The following ZC2HC1B variants were observed in gnomAD, a reference collection of about 807,000 sequenced individuals.
The protein encoded by ZC2HC1B is zinc finger C2HC-type containing 1B.
ZC2HC1B carries 36 observed loss-of-function variants against 31.0 expected under a neutral mutation model. The ratio of observed to expected loss-of-function variants is 1.16; its 90% CI spans 0.89 to 1.54. ZC2HC1B has a LOEUF of 1.54. ZC2HC1B is among the 40% of genes most tolerant of loss of function. ZC2HC1B has a pLI of 0.00. For synonymous variants in ZC2HC1B, 73 were observed against 88.0 expected (o/e 0.83, Z 0.95); for missense variants, 260 against 268.6 (o/e 0.97, Z 0.22).
Position 143,868,914 on chromosome 6 carries a change from C to A in ZC2HC1B, c.28+4347C>A, listed in dbSNP as rs1777303470. On this transcript the variant is annotated intron_variant, in intron 1 of 7. Coordinates refer to ENST00000237275, the MANE Select transcript of ZC2HC1B (RefSeq NM_001013623.3). The surrounding 1 kb of genome is among the most constrained non-coding windows in gnomAD (Gnocchi z 4.2). ...GAAAAAGTAAATAAAATGAAGATAT[C>A]TTCTTAGTACACGTGTGTACATGCA... Among the ~76,000 whole-genome samples, 1 of 152,244 alleles carries A rather than the reference C, an allele frequency of 6.6e-6. No individual in the cohort carries two copies. Among genetic ancestry groups the A allele is most frequent in the South Asian group, 2.1e-4 (1 of 4,824 alleles).
chr6:143,937,540 A>AC, intron 6 of ZC2HC1B, 109 bp from the exon 7 acceptor site: 1 of 974,928 alleles, frequency 1.0e-6, no homozygotes, highest in Non-Finnish European at 1.5e-6. Context: ...CACCAAAAAA[A>AC]AGGAAGAATA....
intron 6 of ZC2HC1B, among the ~76,000 whole-genome samples, chr6:143,937,220 C>T (rs546022016): frequency 3.5e-4 from 54 of 152,118 alleles, no homozygotes; most frequent in African/African-American, 1.2e-3. Flanking sequence ...CGTAGATAAC[C>T]CTAAGCAGGG....
rs554629554 is a variant in ZC2HC1B at position 143,866,927 on chromosome 6, T to C, written c.28+2360T>C. 7.9e-5 allele frequency among the ~76,000 whole-genome samples: 12 copies of C among 152,348 alleles called. No individual in the cohort carries two copies. The East Asian group carries it at 2.3e-3, about 29-fold the overall frequency. Reference sequence around the variant, plus strand: ...TCTTTCCCCTCAGGTAATTCTTGCATAGTATCCAGCTGTCATAGAAGTTGA... The same window carrying C: ...TCTTTCCCCTCAGGTAATTCTTGCACAGTATCCAGCTGTCATAGAAGTTGA... On this transcript the variant is annotated intron_variant, in intron 1 of 7. Coordinates refer to ENST00000237275, the MANE Select transcript of ZC2HC1B (RefSeq NM_001013623.3).
intron 6 of ZC2HC1B, among the ~76,000 whole-genome samples, chr6:143,926,588 G>A (rs564219966): frequency 2.2e-4 from 33 of 152,050 alleles, no homozygotes; most frequent in African/African-American, 7.5e-4. Context: ...ATATTCTGTT[G>A]CTATTGGATA....
intron 1 of ZC2HC1B, among the ~76,000 whole-genome samples, chr6:143,873,558 G>C (rs999888479): frequency 6.6e-6 from 1 of 152,246 alleles, no homozygotes; most frequent in African/African-American, 2.4e-5. Context: ...ACTTTTGCCT[G>C]AGAATCCAGG....
intron 1 of ZC2HC1B, chr6:143,881,887 A>G (rs1777472912): frequency 6.6e-6 from 1 of 152,178 alleles, no homozygotes; most frequent in Non-Finnish European, 1.5e-5. Context: ...TATCATTTGT[A>G]TCTGTCAGTA....
At chr6:143,926,109 C>G (rs766502060) in intron 6 of ZC2HC1B, among the ~76,000 whole-genome samples, 1 of 151,568 alleles carries the variant, frequency 6.6e-6, no homozygotes, top group Non-Finnish European at 1.5e-5. Context: ...TTTTTAAAGT[C>G]TCTATTACAT....
chr6:143,882,125 A>T (rs754854379), intron 1 of ZC2HC1B, among the ~76,000 whole-genome samples: 1 of 151,830 alleles, frequency 6.6e-6, no homozygotes, highest in African/African-American at 2.4e-5. Context: ...TGTAAAATAG[A>T]AATAGTACTA....
chr6:143,912,371 T>C (rs1777870786), intron 6 of ZC2HC1B, among the ~76,000 whole-genome samples: 2 of 152,224 alleles, frequency 1.3e-5, no homozygotes, highest in African/African-American at 4.8e-5. Flanking sequence ...TCAGTGTTTT[T>C]GCATTGCTTC....
In ZC2HC1B at chr6:143,932,731, C is replaced by G. The variant is rs371225947; in HGVS notation, c.599-4918C>G. Among the ~76,000 whole-genome samples, 60 of 152,192 alleles carry G rather than the reference C, an allele frequency of 3.9e-4. No individual in the cohort carries two copies. The South Asian group carries it at 0.012, about 31-fold the overall frequency. Reference sequence around the variant, plus strand: ...TGGTCTTTTGGGGGTGTTATAGAACCTTGTTTTGTCATATTGCCAGAATTG... The same window carrying G: ...TGGTCTTTTGGGGGTGTTATAGAACGTTGTTTTGTCATATTGCCAGAATTG... On this transcript the variant is annotated intron_variant, in intron 6 of 7. Transcript: ENST00000237275.
In ZC2HC1B at chr6:143,884,170, A is replaced by C; in HGVS notation, c.29-134A>C. On this transcript the variant is annotated intron_variant, in intron 1 of 7. Coordinates refer to ENST00000237275, the MANE Select transcript of ZC2HC1B (RefSeq NM_001013623.3). This position sits in a 1 kb window ranked among gnomAD's most constrained non-coding sequence, Gnocchi z 5.1. ...TTTAGTTTACACAGGGTCTTCCCAAAGGGAAGAAGCAGTTGGTGGGGAGGG... is the reference window on the plus strand; with the variant it reads ...TTTAGTTTACACAGGGTCTTCCCAACGGGAAGAAGCAGTTGGTGGGGAGGG... 1.4e-6 allele frequency: 1 copy of C among 702,876 alleles called. No homozygotes were observed. 43.5% of individuals were successfully genotyped at this position (702,876 alleles called of 1,614,324 possible).
chr6:143,875,683 T>C (rs1387244111), intron 1 of ZC2HC1B, among the ~76,000 whole-genome samples: 1 of 150,532 alleles, frequency 6.6e-6, no homozygotes, highest in Non-Finnish European at 1.5e-5. Flanking sequence ...ATTCTCAACC[T>C]CACCTCTAGG....
Position 143,899,768 on chromosome 6 carries a change from C to G in ZC2HC1B, c.489+1077C>G, listed in dbSNP as rs1213247441. Among the ~76,000 whole-genome samples, 3 of 152,192 alleles carry G rather than the reference C, an allele frequency of 2.0e-5. No individual in the cohort carries two copies. Among genetic ancestry groups the G allele is most frequent in the Admixed American group, 6.5e-5 (1 of 15,276 alleles). ...AAGCGGATCCCACAGACTGTGGATCCTGAGCGCTATCCCCTTAAGCATTAG... is the reference window on the plus strand; with the variant it reads ...AAGCGGATCCCACAGACTGTGGATCGTGAGCGCTATCCCCTTAAGCATTAG... On this transcript the variant is annotated intron_variant, in intron 5 of 7. Transcript: ENST00000237275. The surrounding 1 kb of genome is among the most constrained non-coding windows in gnomAD (Gnocchi z 5.0).
At position 143,864,876 on chromosome 6, in the gene ZC2HC1B, A is replaced by C. The variant is rs191912385; in HGVS notation, c.28+309A>C. Among the ~76,000 whole-genome samples, 16 of 152,356 alleles carry C rather than the reference A, an allele frequency of 1.1e-4. No homozygotes were observed. The East Asian group carries it at 2.7e-3, about 26-fold the overall frequency. ...GGTTTATGTCAATATTGAGAATGTAAGTACTAAAAGGATTGGCCATTTATT... is the reference window on the plus strand; with the variant it reads ...GGTTTATGTCAATATTGAGAATGTACGTACTAAAAGGATTGGCCATTTATT... On this transcript the variant is annotated intron_variant, in intron 1 of 7. Coordinates refer to ENST00000237275, the MANE Select transcript of ZC2HC1B (RefSeq NM_001013623.3).
chr6:143,904,704 C>T (rs1343607621), intron 6 of ZC2HC1B, among the ~76,000 whole-genome samples: 1 of 152,088 alleles, frequency 6.6e-6, no homozygotes, highest in Non-Finnish European at 1.5e-5. Context: ...GAGGTTTACT[C>T]CTATGTTTTT....
At position 143,903,232 on chromosome 6, in the gene ZC2HC1B, T is replaced by C; in HGVS notation, c.598+80T>C. The stretch of plus-strand genomic sequence containing the variant: ...TGTTGGGTTTGGGATTCACTGGTAG[T>C]CTGCAAAAGCTCTAAGACATTCACT... On this transcript the variant is annotated intron_variant, in intron 6 of 7. Coordinates refer to ENST00000237275, the MANE Select transcript of ZC2HC1B (RefSeq NM_001013623.3). The surrounding 1 kb of genome is among the most constrained non-coding windows in gnomAD (Gnocchi z 4.3). The C allele has an allele frequency of 2.4e-6, 3 of 1,272,408 alleles. No individual in the cohort carries two copies. Among genetic ancestry groups the C allele is most frequent in the Non-Finnish European group, 3.4e-6 (3 of 894,810 alleles). 78.8% of individuals were successfully genotyped at this position (1,272,408 alleles called of 1,614,324 possible).
In ZC2HC1B at chr6:143,923,590, G is replaced by GT. The variant is rs1778004852; in HGVS notation, c.599-14056dup. Among the ~76,000 whole-genome samples, 1 of 152,014 alleles carries GT rather than the reference G, an allele frequency of 6.6e-6. No individual in the cohort carries two copies. The highest frequency in any genetic ancestry group is 6.6e-5 in the Admixed American group (1 of 15,260). ...GTAGTTTCATAGTTTTGGGTCTTATGTTTAAGTCTTTCATCAATTTTGGGT... is the reference window on the plus strand; with the variant it reads ...GTAGTTTCATAGTTTTGGGTCTTATGTTTTAAGTCTTTCATCAATTTTGGGT... On this transcript the variant is annotated intron_variant, in intron 6 of 7. Coordinates refer to ENST00000237275, the MANE Select transcript of ZC2HC1B (RefSeq NM_001013623.3). The surrounding 1 kb of genome is among the most constrained non-coding windows in gnomAD (Gnocchi z 4.8).
chr6:143,874,880 T>G (rs1777387390), intron 1 of ZC2HC1B, among the ~76,000 whole-genome samples: 1 of 152,204 alleles, frequency 6.6e-6, no homozygotes, highest in Non-Finnish European at 1.5e-5. Flanking sequence ...TTACCCAGAC[T>G]GCAGTGCAGT....
rs1777251046 is a variant in ZC2HC1B at position 143,865,746 on chromosome 6, C to G, written c.28+1179C>G. On this transcript the variant is annotated intron_variant, in intron 1 of 7. Transcript: ENST00000237275. This position sits in a 1 kb window ranked among gnomAD's most constrained non-coding sequence, Gnocchi z 4.4. ...AGAACCATAGCAGGGCCTAGAATCACTGGGGTTAGGGAGGAGAGAAAGGCC... is the reference window on the plus strand; with the variant it reads ...AGAACCATAGCAGGGCCTAGAATCAGTGGGGTTAGGGAGGAGAGAAAGGCC... 6.6e-6 allele frequency among the ~76,000 whole-genome samples: 1 copy of G among 152,020 alleles called. No homozygotes were observed. The highest frequency in any genetic ancestry group is 6.6e-5 in the Admixed American group (1 of 15,260).
Sources: gnomAD v4.1 joint callset for allele counts (sites outside exome capture counted in the v4.1 genomes callset) on GRCh38, gnomAD v4.1.1 for gene constraint, Gnocchi (gnomAD v3.1) non-coding constraint, MANE v1.5 for transcripts, NCBI Gene and HGNC (gene_info 2026-07-23, HGNC 2026-07-21) for gene names.